YY1: variants seen among roughly 807,000 people sequenced by gnomAD.
YY1 encodes the protein transcriptional repressor protein YY1.
A neutral mutation model predicts 35.6 loss-of-function variants in YY1; 2 were observed. The ratio of observed to expected loss-of-function variants is 0.06; its 90% CI spans 0.02 to 0.18. YY1 has a LOEUF of 0.18. Ranked by LOEUF, YY1 falls within the 10% of genes least tolerant of loss-of-function variation. The pLI, the probability that YY1 is intolerant of heterozygous loss-of-function variation, is 1.00. For missense variants in YY1, 322 were observed against 573.4 expected, an observed-to-expected ratio of 0.56 and a Z score of 4.48; for synonymous variants, 268 against 238.9, an observed-to-expected ratio of 1.12 and a Z score of -1.12.
chr14:100,242,378 GTTTTTTT>G (rs57406488), intron 1 of YY1, among the ~76,000 whole-genome samples: 36 of 109,958 alleles, frequency 3.3e-4, no homozygotes, highest in African/African-American at 5.0e-4. Context: ...TTTGTTTTTT[GTTTTTTT>G]TTTTTTTTTT....
At chr14:100,242,551 G>C (rs374372056) in intron 1 of YY1, among the ~76,000 whole-genome samples, 1 of 151,654 alleles carries the variant, frequency 6.6e-6, no homozygotes, top group Non-Finnish European at 1.5e-5. Context: ...ACCACGCCCG[G>C]CTAATTTTTT....
chr14:100,249,747 C>CATT (rs1349082881), intron 1 of YY1, among the ~76,000 whole-genome samples: 4 of 77,556 alleles, frequency 5.2e-5, no homozygotes, highest in South Asian at 6.7e-4. Flanking sequence ...TGCTACTTAC[C>CATT]GTTTTTTTTT....
intron 2 of YY1, among the ~76,000 whole-genome samples, chr14:100,272,371 C>T (rs182087562): frequency 8.6e-5 from 13 of 151,792 alleles, no homozygotes; most frequent in East Asian, 3.9e-4. Context: ...TGTATAGTAT[C>T]GGACCAACTC....
At chr14:100,247,491 C>T (rs951069521) in intron 1 of YY1, among the ~76,000 whole-genome samples, 13 of 151,898 alleles carry the variant, frequency 8.6e-5, no homozygotes, top group African/African-American at 2.4e-5. Flanking sequence ...AAGCAGTCCT[C>T]CTGCCTCAGT....
At chr14:100,254,939 A>ATTTT (rs1301294348) in intron 1 of YY1, among the ~76,000 whole-genome samples, 1 of 29,362 alleles carries the variant, frequency 3.4e-5, no homozygotes, top group South Asian at 2.6e-3. Flanking sequence ...ACGCCCAGCT[A>ATTTT]ATTTTTTTTT....
At chr14:100,242,735 G>T (rs988241331) in intron 1 of YY1, among the ~76,000 whole-genome samples, 1 of 150,896 alleles carries the variant, frequency 6.6e-6, no homozygotes, top group Non-Finnish European at 1.5e-5. Flanking sequence ...TTTCACGTCC[G>T]TTTCTTTTCT....
At chr14:100,254,775 ATTT>A (rs1196714660) in intron 1 of YY1, among the ~76,000 whole-genome samples, 3 of 144,450 alleles carry the variant, frequency 2.1e-5, no homozygotes, top group East Asian at 2.0e-4. Flanking sequence ...TTATTTATTT[ATTT>A]TTTTTTTTTT....
intron 1 of YY1, among the ~76,000 whole-genome samples, chr14:100,245,667 C>A (rs980073737): frequency 6.6e-6 from 1 of 151,726 alleles, no homozygotes; most frequent in Non-Finnish European, 1.5e-5. Flanking sequence ...AGTGCAGTGG[C>A]GCGATCTCGG....
chr14:100,271,628 T>A (rs982148970), intron 2 of YY1, among the ~76,000 whole-genome samples: 1 of 152,238 alleles, frequency 6.6e-6, no homozygotes, highest in Admixed American at 6.5e-5. Context: ...GAAATTCATT[T>A]GTGTTTCATT....
rs1389828686 is a variant in YY1 at position 100,278,144 on chromosome 14, AAGTT to A, written c.*546_*549del. On this transcript the variant is annotated 3_prime_UTR_variant, in exon 5 of 5. Transcript: ENST00000262238. ...AAAGTATTTTCCTGTAAAAAAAAAA[AAGTT>A]ATATAGGTTTTGTTTGCTATCTTAA... 1 of 155,794 alleles carries A rather than the reference AAGTT, an allele frequency of 6.4e-6. No homozygotes were observed. The highest frequency in any genetic ancestry group is 2.4e-5 in the African/African-American group (1 of 41,432). 9.7% of individuals were successfully genotyped at this position (155,794 alleles called of 1,614,324 possible). A position where few individuals can be genotyped will look rare whatever the true frequency, so the allele number is the denominator to read the frequency against.
chr14:100,253,681 T>C (rs1890958469), intron 1 of YY1, among the ~76,000 whole-genome samples: 3 of 150,686 alleles, frequency 2.0e-5, no homozygotes, highest in South Asian at 2.1e-4. Flanking sequence ...CGTGAGCCAG[T>C]GTACCCAGCC....
chr14:100,239,325 G>A lies in YY1; in HGVS notation c.81G>A (p.Glu27=), dbSNP rs1890685618. ...AGATCGTGGAGCTGCACGAGATCGA[G>A]GTGGAGACCATCCCGGTGGAGACCA... The part of the protein sequence containing the change: ...PAEIVELHEI[E]VETIPVETIE... Residue 27 remains glutamate, a synonymous_variant, in exon 1 of 5, where the codon GAG becomes GAA. Transcript: ENST00000262238. 6.2e-7 allele frequency: 1 copy of A among 1,605,274 alleles called. No homozygotes were observed. The highest frequency in any genetic ancestry group is 8.5e-7 in the Non-Finnish European group (1 of 1,176,540).
intron 2 of YY1, among the ~76,000 whole-genome samples, chr14:100,265,871 A>C: frequency 6.6e-6 from 1 of 151,272 alleles, no homozygotes; most frequent in African/African-American, 2.4e-5. Context: ...CTGGTCTTGA[A>C]CTCCTAACCT....
At chr14:100,272,880 A>T (rs143353745) in intron 2 of YY1, among the ~76,000 whole-genome samples, 391 of 152,024 alleles carry the variant, frequency 2.6e-3, no homozygotes, top group African/African-American at 8.8e-3. Flanking sequence ...CTTATAAGTG[A>T]GGACATACCG....
intron 1 of YY1, among the ~76,000 whole-genome samples, chr14:100,256,673 G>T (rs1891010182): frequency 6.6e-6 from 1 of 152,194 alleles, no homozygotes. Flanking sequence ...TAGAATTGAG[G>T]TTAGCAGGTG....
chr14:100,273,905 C>T (rs772351462), intron 2 of YY1, among the ~76,000 whole-genome samples: 1 of 152,208 alleles, frequency 6.6e-6, no homozygotes, highest in African/African-American at 2.4e-5. Context: ...AACCAGGAGG[C>T]TCTCTGGACA....
chr14:100,260,120 T>G (rs1891059464), intron 1 of YY1, among the ~76,000 whole-genome samples: 1 of 152,148 alleles, frequency 6.6e-6, no homozygotes, highest in Non-Finnish European at 1.5e-5. Flanking sequence ...GGTCTTGCTC[T>G]GTTGCCCAGG....
chr14:100,241,982 G>GT (rs1348282771), intron 1 of YY1, among the ~76,000 whole-genome samples: 1 of 150,892 alleles, frequency 6.6e-6, no homozygotes, highest in Non-Finnish European at 1.5e-5. Flanking sequence ...CTCAAAAGGG[G>GT]GGGGGGGGCA....
At chr14:100,260,006 C>G (rs1891058213) in intron 1 of YY1, among the ~76,000 whole-genome samples, 2 of 151,580 alleles carry the variant, frequency 1.3e-5, no homozygotes, top group African/African-American at 4.9e-5. Flanking sequence ...TAAGAAACTA[C>G]TACAGTCATT....
Sources: allele counts gnomAD v4.1 joint callset (sites outside exome capture counted in the v4.1 genomes callset), GRCh38; gene constraint gnomAD v4.1.1; transcripts MANE v1.5; gene names NCBI Gene and HGNC (gene_info 2026-07-23, HGNC 2026-07-21).